Variants in CCDC43 observed in about 807,000 individuals in gnomAD.
CCDC43 encodes coiled-coil domain containing 43.
CCDC43 carries 20 observed loss-of-function variants against 33.3 expected under a neutral mutation model. The ratio of observed to expected loss-of-function variants is 0.60; its 90% CI spans 0.42 to 0.87. The LOEUF (loss-of-function observed/expected upper bound fraction) is 0.87. CCDC43 is among the 40% of genes least tolerant of loss of function. The pLI, the probability that CCDC43 is intolerant of heterozygous loss-of-function variation, is 0.00. For synonymous variants in CCDC43, 104 were observed against 106.5 expected, an observed-to-expected ratio of 0.98 and a Z score of 0.14; for missense variants, 248 against 269.9, an observed-to-expected ratio of 0.92 and a Z score of 0.57.
At chr17:44,689,439 A>C in intron 1 of CCDC43, 111 bp downstream of exon 1, 3 of 1,474,140 alleles carry the variant, frequency 2.0e-6, no homozygotes, top group East Asian at 2.4e-5. Flanking sequence ...TACCTCTCCC[A>C]GGTGAGACCA....
chr17:44,683,830 G>T, intron 2 of CCDC43, 42 bp downstream of exon 2: 2 of 1,374,586 alleles, frequency 1.5e-6, no homozygotes, highest in South Asian at 1.2e-5. Flanking sequence ...CAAGGCTGCT[G>T]GAAAAGGCTC....
intron 3 of CCDC43, chr17:44,681,715 G>A: frequency 5.5e-6 from 2 of 360,912 alleles, no homozygotes; most frequent in South Asian, 3.3e-5. Flanking sequence ...AAGAATTACA[G>A]CTATATTGTA....
At chr17:44,686,527 G>A (rs1972239927) in intron 1 of CCDC43, among the ~76,000 whole-genome samples, 1 of 152,184 alleles carries the variant, frequency 6.6e-6, no homozygotes, top group African/African-American at 2.4e-5. Flanking sequence ...AAAAGAGAAC[G>A]GGAACTCTTA....
intron 4 of CCDC43, 134 bp from the exon 5 acceptor site, chr17:44,679,177 A>T (rs1972120844): frequency 1.8e-6 from 1 of 546,488 alleles, no homozygotes; most frequent in African/African-American, 1.9e-5. Flanking sequence ...TTTTAAAAAA[A>T]ACCCTTATGT....
Position 44,677,682 on chromosome 17 carries a change from T to C in CCDC43, c.*1174A>G, listed in dbSNP as rs759905825. On this transcript the variant is annotated 3_prime_UTR_variant, in exon 5 of 5. Transcript: ENST00000315286. Reference sequence around the variant, plus strand: ...AATATTTTAGATTTCACAGACCACATATTTTTTTCTTTTATAACTCTTTAA... The same window carrying C: ...AATATTTTAGATTTCACAGACCACACATTTTTTTCTTTTATAACTCTTTAA... The C allele has an allele frequency of 6.6e-6, 1 of 152,206 alleles. No individual in the cohort carries two copies. The highest frequency in any genetic ancestry group is 1.5e-5 in the Non-Finnish European group (1 of 68,042). The allele number at this position is 152,206 out of a possible 1,614,324, so 9.4% of individuals were successfully genotyped here.
At chr17:44,682,236 C>T (rs1972174210) in intron 2 of CCDC43, 98 bp from the exon 3 acceptor site, 1 of 1,414,438 alleles carries the variant, frequency 7.1e-7, no homozygotes. Context: ...AAGACATTGG[C>T]ATCTGCTGCC....
intron 4 of CCDC43, among the ~76,000 whole-genome samples, chr17:44,680,290 A>G (rs1261872489): frequency 6.6e-6 from 1 of 152,070 alleles, no homozygotes; most frequent in Non-Finnish European, 1.5e-5. Flanking sequence ...GCCTGACCTC[A>G]ATATTATTTT....
chr17:44,683,775 A>C (rs1972195501), intron 2 of CCDC43, 97 bp downstream of exon 2: 1 of 802,618 alleles, frequency 1.2e-6, no homozygotes, highest in South Asian at 1.6e-5. Context: ...GAAAATGAGC[A>C]TCCAAGGGGA....
Position 44,682,741 on chromosome 17 carries a change from A to G in CCDC43, c.293-603T>C, listed in dbSNP as rs1381711745. 2.0e-5 allele frequency among the ~76,000 whole-genome samples: 3 copies of G among 152,042 alleles called. No individual in the cohort carries two copies. The East Asian group carries it at 5.8e-4, about 29-fold the overall frequency. ...CGTGGTGACGGGCGCCTGTAGTCCC[A>G]GCTACTCGGGAGGCTGAGGCAGGAG... On this transcript the variant is annotated intron_variant, in intron 2 of 4. Transcript: ENST00000315286.
Position 44,678,949 on chromosome 17 carries a change from C to T in CCDC43, c.582G>A (p.Gln194=), listed in dbSNP as rs1972116114. The T allele has an allele frequency of 5.0e-6, 8 of 1,613,886 alleles. No homozygotes were observed. Among genetic ancestry groups the T allele is most frequent in the Non-Finnish European group, 6.8e-6 (8 of 1,179,884 alleles). ...LRDESQRKKE[Q]DKLQRERDKL... is the part of the protein sequence containing the mutation. ...TGTCTCTCTCCCTCTGCAGCTTGTC[C>T]TGTTCCTTCTTCCTTTGGGATTCAT... Residue 194 remains glutamine (Q), a synonymous_variant, in exon 5 of 5, where the codon CAG becomes CAA. Coordinates refer to ENST00000315286, the MANE Select transcript of CCDC43 (RefSeq NM_144609.3).
chr17:44,684,517 C>G (rs1972207806), intron 1 of CCDC43, among the ~76,000 whole-genome samples: 1 of 151,760 alleles, frequency 6.6e-6, no homozygotes, highest in Non-Finnish European at 1.5e-5. Context: ...GGCCAACGTG[C>G]TGAAACCCCA....
intron 1 of CCDC43, chr17:44,687,843 T>G (rs1369062879): frequency 6.6e-6 from 1 of 152,208 alleles, no homozygotes; most frequent in Non-Finnish European, 1.5e-5. Context: ...TCCACTGTCT[T>G]GTATTTCCAG....
intron 4 of CCDC43, among the ~76,000 whole-genome samples, 200 bp downstream of exon 4, chr17:44,680,385 A>G (rs1266853318): frequency 2.0e-5 from 3 of 152,140 alleles, no homozygotes; most frequent in Non-Finnish European, 2.9e-5. Flanking sequence ...ATCCCTTTAC[A>G]GTACTTGTTA....
Position 44,689,533 on chromosome 17 carries a change from G to A in CCDC43, c.204+17C>T, listed in dbSNP as rs1972291972. On this transcript the variant is annotated intron_variant, in intron 1 of 4. Transcript: ENST00000315286. Reference sequence around the variant, plus strand: ...GATGCTGGCCAGAGGCTGAAGGAATGTGTCCAGGCTACTCACCAGGAAAGC... The same window carrying A: ...GATGCTGGCCAGAGGCTGAAGGAATATGTCCAGGCTACTCACCAGGAAAGC... 6.2e-7 allele frequency: 1 copy of A among 1,613,898 alleles called. No homozygotes were observed. The highest frequency in any genetic ancestry group is 8.5e-7 in the Non-Finnish European group (1 of 1,179,812).
At chr17:44,689,430 A>C in intron 1 of CCDC43, 120 bp downstream of exon 1, 6 of 1,418,164 alleles carry the variant, frequency 4.2e-6, no homozygotes, top group Non-Finnish European at 5.7e-6. Flanking sequence ...AGAGGAGTAT[A>C]CCTCTCCCAG....
intron 2 of CCDC43, among the ~76,000 whole-genome samples, chr17:44,683,473 G>A (rs1213382487): frequency 6.6e-6 from 1 of 151,980 alleles, no homozygotes; most frequent in Non-Finnish European, 1.5e-5. Context: ...CAGTTACAGT[G>A]AGCTGAGATT....
At chr17:44,687,063 A>G (rs1972246761) in intron 1 of CCDC43, among the ~76,000 whole-genome samples, 1 of 152,158 alleles carries the variant, frequency 6.6e-6, no homozygotes, top group South Asian at 2.1e-4. Context: ...CCAAGGCAGG[A>G]GGATGTCTTG....
intron 4 of CCDC43, 78 bp from the exon 5 acceptor site, chr17:44,679,121 T>A (rs1972119982): frequency 2.7e-6 from 3 of 1,122,092 alleles, no homozygotes; most frequent in Admixed American, 4.7e-5. Context: ...CTACTTATCC[T>A]CTCTCCACCT....
chr17:44,684,077 G>A (rs1972200068), intron 1 of CCDC43, 118 bp from the exon 2 acceptor site: 1 of 682,016 alleles, frequency 1.5e-6, no homozygotes, highest in African/African-American at 1.8e-5. Context: ...GGAAGGGTCT[G>A]GGAGCCACAA....
Sources: gnomAD v4.1 joint callset for allele counts (sites outside exome capture counted in the v4.1 genomes callset) on GRCh38, gnomAD v4.1.1 for gene constraint, MANE v1.5 for transcripts, NCBI Gene and HGNC (gene_info 2026-07-23, HGNC 2026-07-21) for gene names.